The following CDH10 variants were observed in gnomAD, a reference collection of about 807,000 sequenced individuals.
CDH10 encodes the protein cadherin 10, also known as cadherin-10.
In CDH10, 30 loss-of-function variants were observed where a neutral mutation model predicts 73.1. That is an observed-to-expected ratio of 0.41 (90% CI 0.31 to 0.56). The LOEUF (loss-of-function observed/expected upper bound fraction) is 0.56. CDH10 is among the 20% of genes least tolerant of loss of function. The pLI is 0.27. For synonymous variants in CDH10, 345 were observed against 348.2 expected, an observed-to-expected ratio of 0.99 and a Z score of 0.10; for missense variants, 815 against 973.7, an observed-to-expected ratio of 0.84 and a Z score of 2.17.
intron 2 of CDH10, among the ~76,000 whole-genome samples, chr5:24,540,788 G>C (rs576774928): frequency 1.7e-4 from 26 of 151,976 alleles, no homozygotes; most frequent in African/African-American, 6.3e-4. Flanking sequence ...GCACTAGAAT[G>C]AAGGGCAAAA....
At chr5:24,570,425 G>A (rs541454338) in intron 2 of CDH10, among the ~76,000 whole-genome samples, 2 of 152,106 alleles carry the variant, frequency 1.3e-5, no homozygotes, top group East Asian at 3.9e-4. Flanking sequence ...GTAAGGGCCT[G>A]GCCATTTCAG....
intron 1 of CDH10, among the ~76,000 whole-genome samples, chr5:24,602,545 T>C (rs1746603973): frequency 6.6e-6 from 1 of 152,180 alleles, no homozygotes; most frequent in African/African-American, 2.4e-5. Context: ...TACTACGTGA[T>C]GTTACAGCAC....
At chr5:24,627,515 TGGA>T (rs1376695929) in intron 1 of CDH10, among the ~76,000 whole-genome samples, 1 of 152,170 alleles carries the variant, frequency 6.6e-6, no homozygotes, top group Non-Finnish European at 1.5e-5. Flanking sequence ...CGGTTACGAA[TGGA>T]GGAGCAGGGA....
chr5:24,610,572 G>A (rs962124919), intron 1 of CDH10, among the ~76,000 whole-genome samples: 4 of 151,934 alleles, frequency 2.6e-5, no homozygotes, highest in Admixed American at 2.0e-4. Context: ...CTGCTCTACC[G>A]AATGGAATTA....
chr5:24,536,228 A>C (rs573504695), intron 3 of CDH10, among the ~76,000 whole-genome samples: 50 of 152,170 alleles, frequency 3.3e-4, no homozygotes, highest in African/African-American at 1.2e-3. Flanking sequence ...AATAATTAAC[A>C]TCTGCTCTAG....
chr5:24,519,082 G>A (rs1308483777), intron 5 of CDH10, among the ~76,000 whole-genome samples: 2 of 151,262 alleles, frequency 1.3e-5, no homozygotes, highest in Admixed American at 6.6e-5. Flanking sequence ...GTATAGATAG[G>A]TTTTTGCCAT....
Position 24,537,524 on chromosome 5 carries a change from G to C in CDH10, c.382C>G (p.Arg128Gly), listed in dbSNP as rs373340564. ...DREEKAFYTL[R>G]AQAINRRTLR... ...GTTCTTCTGTTAATAGCTTGTGCGC[G>C]TAGAGTATAAAAGGCCTTTTCCTCC... Residue 128 changes from arginine to glycine, a missense_variant, in exon 3 of 12, where the codon CGC (arginine) becomes GGC (glycine). By Grantham distance (125) the Arg-to-Gly change is moderately radical (BLOSUM62 -2). Around this residue, in one of 3 missense-constraint regions of CDH10, gnomAD observed 516 missense variants for 636.6 expected, o/e 0.81. Coordinates refer to ENST00000264463, the MANE Select transcript of CDH10 (RefSeq NM_006727.5). The C allele has an allele frequency of 6.2e-7, 1 of 1,613,212 alleles. No individual in the cohort carries two copies. Among genetic ancestry groups the C allele is most frequent in the African/African-American group, 1.3e-5 (1 of 74,958 alleles).
chr5:24,565,294 T>G, intron 2 of CDH10, among the ~76,000 whole-genome samples: 1 of 152,156 alleles, frequency 6.6e-6, no homozygotes, highest in East Asian at 1.9e-4. Context: ...AGTTGCTAAA[T>G]AAATTAAGAT....
At chr5:24,507,767 A>AG (rs1742751861) in intron 7 of CDH10, among the ~76,000 whole-genome samples, 1 of 152,116 alleles carries the variant, frequency 6.6e-6, no homozygotes, top group African/African-American at 2.4e-5. Flanking sequence ...CAAAGGAAAA[A>AG]GAAAAAAAAA....
intron 2 of CDH10, among the ~76,000 whole-genome samples, chr5:24,566,823 C>A (rs1745181465): frequency 6.6e-6 from 1 of 151,860 alleles, no homozygotes; most frequent in South Asian, 2.1e-4. Flanking sequence ...CCAAAAAGCG[C>A]TAACTATAAA....
At chr5:24,603,690 T>A (rs1746650573) in intron 1 of CDH10, among the ~76,000 whole-genome samples, 1 of 152,016 alleles carries the variant, frequency 6.6e-6, no homozygotes, top group African/African-American at 2.4e-5. Flanking sequence ...AGCAGACCCA[T>A]AAAATCCTAC....
At chr5:24,489,068 G>C (rs1373555612) in intron 11 of CDH10, among the ~76,000 whole-genome samples, 1 of 151,944 alleles carries the variant, frequency 6.6e-6, no homozygotes, top group Non-Finnish European at 1.5e-5. Flanking sequence ...CAAACATTTT[G>C]ATCCTCAACC....
intron 1 of CDH10, among the ~76,000 whole-genome samples, chr5:24,643,726 C>T (rs530579032): frequency 1.1e-4 from 17 of 152,224 alleles, no homozygotes; most frequent in African/African-American, 3.1e-4. Context: ...TGTAGACTCC[C>T]CTTTTTTCAT....
At chr5:24,491,554 C>T (rs773389934) in intron 11 of CDH10, 22 bp downstream of exon 11, 19 of 1,586,798 alleles carry the variant, frequency 1.2e-5, no homozygotes, top group Non-Finnish European at 1.5e-5. Context: ...AAAATGCTCC[C>T]ATTGTTTTTA....
chr5:24,530,684 G>T lies in CDH10; in HGVS notation c.814+4428C>A, dbSNP rs900793363. 1.2e-4 allele frequency among the ~76,000 whole-genome samples: 19 copies of T among 152,076 alleles called. No individual in the cohort carries two copies. In the East Asian group the frequency reaches 3.7e-3, roughly 29 times the overall value. On this transcript the variant is annotated intron_variant, in intron 5 of 11. Coordinates refer to ENST00000264463, the MANE Select transcript of CDH10 (RefSeq NM_006727.5). ...TGTTATTGGTACATATGAAGTAAGT[G>T]CATTTATTTCGTATACATTTTAATA...
chr5:24,531,533 C>T (rs577317307), intron 5 of CDH10, among the ~76,000 whole-genome samples: 25 of 152,080 alleles, frequency 1.6e-4, no homozygotes, highest in African/African-American at 4.8e-4. Flanking sequence ...GCCTCACAAA[C>T]GTGGTGGAAG....
intron 1 of CDH10, among the ~76,000 whole-genome samples, chr5:24,638,095 A>C (rs1331255549): frequency 6.6e-6 from 1 of 151,810 alleles, no homozygotes; most frequent in Non-Finnish European, 1.5e-5. Flanking sequence ...GTCCAAGGGG[A>C]GAAAAAAAAT....
chr5:24,541,286 G>GT (rs955398670), intron 2 of CDH10, among the ~76,000 whole-genome samples: 1 of 151,818 alleles, frequency 6.6e-6, no homozygotes, highest in Non-Finnish European at 1.5e-5. Context: ...TTTCTCTTTA[G>GT]TTTTTTTAAT....
chr5:24,516,496 A>C (rs1237615271), intron 5 of CDH10, among the ~76,000 whole-genome samples: 1 of 151,988 alleles, frequency 6.6e-6, no homozygotes, highest in African/African-American at 2.4e-5. Context: ...ATTCAGTTCC[A>C]CATTTATTAT....
Sources: allele counts gnomAD v4.1 joint callset (sites outside exome capture counted in the v4.1 genomes callset), GRCh38; gene constraint gnomAD v4.1.1; regional missense constraint gnomAD v4.1.1; transcripts MANE v1.5; gene names NCBI Gene and HGNC (gene_info 2026-07-23, HGNC 2026-07-21).